The following SNRPN variants were observed in gnomAD, a reference collection of about 807,000 sequenced individuals.
The protein encoded by SNRPN is small nuclear ribonucleoprotein polypeptide N.
A neutral mutation model predicts 25.2 loss-of-function variants in SNRPN; 7 were observed. The observed-to-expected ratio is 0.28, with a 90% CI of 0.16 to 0.52. SNRPN has a LOEUF of 0.52. Ranked by LOEUF, SNRPN falls within the 20% of genes least tolerant of loss-of-function variation. The pLI is 0.96. For synonymous variants in SNRPN, 124 were observed against 110.6 expected (o/e 1.12, Z -0.76); for missense variants, 196 against 322.5 (o/e 0.61, Z 3.00).
At chr15:24,971,661 T>C (rs1250687756) in intron 3 of SNRPN, among the ~76,000 whole-genome samples, 1 of 152,170 alleles carries the variant, frequency 6.6e-6, no homozygotes, top group Non-Finnish European at 1.5e-5. Context: ...GTGGGAGTTA[T>C]TTATATCCTA....
intron 3 of SNRPN, among the ~76,000 whole-genome samples, chr15:24,945,736 C>G (rs2061843664): frequency 6.6e-6 from 1 of 152,222 alleles, no homozygotes; most frequent in East Asian, 1.9e-4. Flanking sequence ...TTTTCTTGTT[C>G]ATTCTCTTCC....
At chr15:24,942,185 A>G (rs948053846) in intron 3 of SNRPN, 1 of 152,204 alleles carries the variant, frequency 6.6e-6, no homozygotes, top group African/African-American at 2.4e-5. Flanking sequence ...GTATGAGATC[A>G]TGGGGACAGG....
At chr15:24,848,890 T>G (rs933775633) in intron 2 of SNRPN, 2 of 151,308 alleles carry the variant, frequency 1.3e-5, no homozygotes, top group African/African-American at 4.8e-5. Context: ...TACTACGTGT[T>G]TTTTTTTTAA....
At chr15:24,905,491 A>G (rs2058739944) in intron 2 of SNRPN, among the ~76,000 whole-genome samples, 2 of 146,326 alleles carry the variant, frequency 1.4e-5, no homozygotes, top group Admixed American at 1.4e-4. Flanking sequence ...CCTGGGTGAC[A>G]GAGTGAGACT....
chr15:24,853,919 C>T (rs2146070764), upstream of SNRPN, among the ~76,000 whole-genome samples: 1 of 152,308 alleles, frequency 6.6e-6, no homozygotes, highest in Non-Finnish European at 1.5e-5. Flanking sequence ...AGTCATTCTT[C>T]ACCTCTTTAT....
At chr15:24,956,155 T>A (rs2062829367) in intron 1 of SNRPN, among the ~76,000 whole-genome samples, 1 of 152,164 alleles carries the variant, frequency 6.6e-6, no homozygotes, top group South Asian at 2.1e-4. Flanking sequence ...TGTGCAGAAC[T>A]TGCATTTACA....
At chr15:24,936,009 AGAGGCT>A (rs1411675082) in intron 3 of SNRPN, among the ~76,000 whole-genome samples, 2 of 151,798 alleles carry the variant, frequency 1.3e-5, no homozygotes, top group East Asian at 3.9e-4. Flanking sequence ...CAGCTACTTG[AGAGGCT>A]GAGGCAGGAG....
intron 2 of SNRPN, among the ~76,000 whole-genome samples, chr15:24,917,370 T>C (rs1451263373): frequency 6.6e-6 from 1 of 152,232 alleles, no homozygotes. Context: ...GTAGATGTTA[T>C]GTTGTCTTAA....
chr15:24,924,689 A>G (rs1478684374), intron 3 of SNRPN, among the ~76,000 whole-genome samples: 1 of 150,882 alleles, frequency 6.6e-6, no homozygotes, highest in Non-Finnish European at 1.5e-5. Flanking sequence ...GAGTCTCACC[A>G]TGTTGCCTAG....
At chr15:24,937,864 C>T (rs938449798) in intron 3 of SNRPN, among the ~76,000 whole-genome samples, 5 of 152,174 alleles carry the variant, frequency 3.3e-5, no homozygotes, top group Admixed American at 6.6e-5. Context: ...TGGAATCATA[C>T]AGTATTTGTC....
intron 2 of SNRPN, among the ~76,000 whole-genome samples, chr15:24,889,792 G>A (rs978650543): frequency 2.0e-5 from 3 of 150,720 alleles, no homozygotes; most frequent in Non-Finnish European, 4.4e-5. Context: ...GCTCACGCCT[G>A]TAATCTCAGC....
At chr15:24,865,294 G>A (rs536139050) in intron 1 of SNRPN, among the ~76,000 whole-genome samples, 3 of 152,132 alleles carry the variant, frequency 2.0e-5, no homozygotes, top group Non-Finnish European at 2.9e-5. Flanking sequence ...TAATCCACCC[G>A]CCTTGGCCTC....
At chr15:24,967,911 T>A in intron 2 of SNRPN, 21 bp from the exon 3 acceptor site, 1 of 1,594,068 alleles carries the variant, frequency 6.3e-7, no homozygotes, top group Non-Finnish European at 8.6e-7. Context: ...ATCATTTATA[T>A]ATATTGTGCT....
chr15:24,896,377 T>C (rs1484135970), intron 2 of SNRPN, among the ~76,000 whole-genome samples: 1 of 152,136 alleles, frequency 6.6e-6, no homozygotes, highest in Non-Finnish European at 1.5e-5. Flanking sequence ...AGTGAAGATA[T>C]AGTGCAGATG....
chr15:24,907,939 G>A (rs2058941063), intron 2 of SNRPN, among the ~76,000 whole-genome samples: 1 of 151,194 alleles, frequency 6.6e-6, no homozygotes, highest in South Asian at 2.1e-4. Context: ...TGTAATGCCA[G>A]CTACTCGGGG....
chr15:24,877,066 GA>G (rs1347651392), intron 1 of SNRPN, among the ~76,000 whole-genome samples: 1 of 152,116 alleles, frequency 6.6e-6, no homozygotes, highest in Non-Finnish European at 1.5e-5. Flanking sequence ...TACATTTGAA[GA>G]AAAAAATATA....
intron 7 of SNRPN, 72 bp downstream of exon 7, chr15:24,977,101 AC>A (rs1269598143): frequency 7.9e-7 from 1 of 1,270,130 alleles, no homozygotes; most frequent in Non-Finnish European, 1.1e-6. Flanking sequence ...AGATTTAAAA[AC>A]CTAAGTGTAT....
Position 24,863,829 on chromosome 15 carries a change from C to G in SNRPN, c.-579+7113C>G, listed in dbSNP as rs560775939. 6.6e-5 allele frequency among the ~76,000 whole-genome samples: 10 copies of G among 150,622 alleles called. No homozygotes were observed. In the East Asian group the frequency reaches 1.8e-3, roughly 27 times the overall value. On this transcript the variant is annotated intron_variant, in intron 1 of 11. Coordinates refer to the SNRPN transcript ENST00000400097. ...TCTGCGTTCTGGAAACTATTAAACT[C>G]TCAATACTCATTTGAAAATTCCAGT...
chr15:24,876,375 T>G (rs1257958944), intron 1 of SNRPN, among the ~76,000 whole-genome samples: 1 of 151,936 alleles, frequency 6.6e-6, no homozygotes, highest in African/African-American at 2.4e-5. Context: ...CTCAACACTT[T>G]GGGAAGCTGA....
Sources: allele counts gnomAD v4.1 joint callset (sites outside exome capture counted in the v4.1 genomes callset), GRCh38; gene constraint gnomAD v4.1.1; transcripts MANE v1.5; gene names NCBI Gene and HGNC (gene_info 2026-07-23, HGNC 2026-07-21).